GAB2: variants seen among roughly 807,000 people sequenced by gnomAD.
GAB2 encodes GRB2-associated-binding protein 2.
Under a neutral mutation model 65.5 loss-of-function variants are expected in GAB2, and 26 were observed. That is an observed-to-expected ratio of 0.40 (90% CI 0.29 to 0.55). The LOEUF (loss-of-function observed/expected upper bound fraction) is 0.55, where lower values mean the gene tolerates loss of function less well. Ranked by LOEUF, GAB2 falls within the 20% of genes least tolerant of loss-of-function variation. The pLI, the probability that GAB2 is intolerant of heterozygous loss-of-function variation, is 0.53. For synonymous variants in GAB2, 321 were observed against 329.6 expected (o/e 0.97, Z 0.28); for missense variants, 884 against 875.8 (o/e 1.01, Z -0.12).
Position 78,241,109 on chromosome 11 carries a change from C to G in GAB2, c.620+9048G>C, listed in dbSNP as rs921227315. ...AGAGAAAGACCCAAAAAGCCCTTTACGCTAAGGATATTAACAACCTATGCT... is the reference window on the plus strand; with the variant it reads ...AGAGAAAGACCCAAAAAGCCCTTTAGGCTAAGGATATTAACAACCTATGCT... On this transcript the variant is annotated intron_variant, in intron 3 of 9. Transcript: ENST00000361507. Among the ~76,000 whole-genome samples, 3 of 152,188 alleles carry G rather than the reference C, an allele frequency of 2.0e-5. No homozygotes were observed. The East Asian group carries it at 5.8e-4, about 29-fold the overall frequency.
chr11:78,218,654 T>G lies in GAB2; in HGVS notation c.*618A>C, dbSNP rs904793702. Reference sequence around the variant, plus strand: ...CCTCAAAGTGGGTTCCCTGCAGATGTCAGCTTTCCCTCTTCATCTGGGCAT... The same window carrying G: ...CCTCAAAGTGGGTTCCCTGCAGATGGCAGCTTTCCCTCTTCATCTGGGCAT... On this transcript the variant is annotated 3_prime_UTR_variant, in exon 10 of 10. Coordinates refer to ENST00000361507, the MANE Select transcript of GAB2 (RefSeq NM_080491.3). The G allele has an allele frequency of 2.0e-5, 3 of 153,074 alleles. No individual in the cohort carries two copies. The highest frequency in any genetic ancestry group is 7.2e-5 in the African/African-American group (3 of 41,460). The allele number at this position is 153,074 out of a possible 1,614,324, so 9.5% of individuals were successfully genotyped here. A position where few individuals can be genotyped will look rare whatever the true frequency, so the allele number is the denominator to read the frequency against.
At chr11:78,374,403 C>T (rs1856607982) in intron 1 of GAB2, among the ~76,000 whole-genome samples, 1 of 152,064 alleles carries the variant, frequency 6.6e-6, no homozygotes, top group Non-Finnish European at 1.5e-5. Flanking sequence ...CCTTATTGTC[C>T]ATGTCAACAA....
chr11:78,298,791 C>G (rs1866910528), intron 1 of GAB2, among the ~76,000 whole-genome samples: 1 of 152,204 alleles, frequency 6.6e-6, no homozygotes, highest in Non-Finnish European at 1.5e-5. Context: ...GAAGAGTAGA[C>G]AAATGATGCC....
At chr11:78,306,447 G>A (rs567767524) in intron 1 of GAB2, among the ~76,000 whole-genome samples, 4 of 152,276 alleles carry the variant, frequency 2.6e-5, no homozygotes, top group Admixed American at 2.6e-4. Context: ...GCCCAGGCTG[G>A]TCGTGAACTC....
At chr11:78,360,652 G>A (rs1205724902) in intron 1 of GAB2, among the ~76,000 whole-genome samples, 1 of 151,984 alleles carries the variant, frequency 6.6e-6, no homozygotes, top group Non-Finnish European at 1.5e-5. Context: ...GAGGTCAGGA[G>A]TTTGAGACCA....
At chr11:78,394,901 A>G (rs2135070301) in intron 1 of GAB2, among the ~76,000 whole-genome samples, 1 of 152,258 alleles carries the variant, frequency 6.6e-6, no homozygotes, top group South Asian at 2.1e-4. Flanking sequence ...CCACCCTCCA[A>G]AGAACTCACA....
intron 6 of GAB2, among the ~76,000 whole-genome samples, chr11:78,222,766 A>G (rs1226567993): frequency 1.3e-5 from 2 of 152,082 alleles, no homozygotes; most frequent in Non-Finnish European, 2.9e-5. Context: ...TATTTTTAGT[A>G]GAGACGGGGT....
intron 2 of GAB2, among the ~76,000 whole-genome samples, chr11:78,272,842 C>T (rs572148233): frequency 1.7e-4 from 26 of 152,328 alleles, no homozygotes; most frequent in African/African-American, 6.3e-4. Flanking sequence ...GGGCCGGGCC[C>T]AGGGTCCCTC....
intron 8 of GAB2, among the ~76,000 whole-genome samples, chr11:78,221,054 C>T (rs1864399187): frequency 6.6e-6 from 1 of 152,208 alleles, no homozygotes; most frequent in Non-Finnish European, 1.5e-5. Flanking sequence ...AGATGACACG[C>T]TCTAGGATCC....
intron 1 of GAB2, among the ~76,000 whole-genome samples, chr11:78,370,712 C>CGTGTGTGTATGTGTGT (rs1554995527): frequency 2.4e-5 from 3 of 123,220 alleles, no homozygotes; most frequent in African/African-American, 8.7e-5. Context: ...TGTGTGTGTG[C>CGTGTGTGTATGTGTGT]GTGTGTGTGT....
chr11:78,365,297 A>G (rs946228462), intron 1 of GAB2, among the ~76,000 whole-genome samples: 1 of 152,196 alleles, frequency 6.6e-6, no homozygotes, highest in Non-Finnish European at 1.5e-5. Context: ...GAAAGTTCCC[A>G]CTAGGAAAAT....
intron 1 of GAB2, among the ~76,000 whole-genome samples, chr11:78,304,595 CT>C (rs1228522550): frequency 4.6e-5 from 7 of 152,178 alleles, no homozygotes; most frequent in African/African-American, 1.7e-4. Context: ...CCTAGCAGTG[CT>C]TTTCAACCAG....
chr11:78,413,830 T>C (rs1044099585), intron 1 of GAB2, among the ~76,000 whole-genome samples: 15 of 152,168 alleles, frequency 9.9e-5, no homozygotes, highest in Admixed American at 2.6e-4. Context: ...CATGTCTGTC[T>C]GTAATCCCAG....
chr11:78,264,860 T>C (rs1194682680), intron 2 of GAB2, among the ~76,000 whole-genome samples: 2 of 152,182 alleles, frequency 1.3e-5, no homozygotes, highest in Non-Finnish European at 2.9e-5. Flanking sequence ...TTATTTAGGA[T>C]ATTTTAGTTT....
chr11:78,391,983 G>A (rs1381963754), intron 1 of GAB2, among the ~76,000 whole-genome samples: 2 of 152,228 alleles, frequency 1.3e-5, no homozygotes, highest in East Asian at 1.9e-4. Context: ...GCTCATGCCT[G>A]TAATTCCAGC....
At chr11:78,366,585 CAAAAAAAAA>C (rs33997665) in intron 1 of GAB2, among the ~76,000 whole-genome samples, 1 of 32,950 alleles carries the variant, frequency 3.0e-5, no homozygotes, top group African/African-American at 1.4e-4. Flanking sequence ...GACTCCATCT[CAAAAAAAAA>C]AAAAAAAAAA....
chr11:78,281,591 C>T (rs1487898606), intron 1 of GAB2, among the ~76,000 whole-genome samples: 3 of 152,170 alleles, frequency 2.0e-5, no homozygotes, highest in East Asian at 1.9e-4. Flanking sequence ...AGGTTAAAGA[C>T]GGGGACTGTG....
intron 1 of GAB2, among the ~76,000 whole-genome samples, chr11:78,320,937 G>C (rs1855712269): frequency 6.6e-6 from 1 of 152,134 alleles, no homozygotes; most frequent in Non-Finnish European, 1.5e-5. Context: ...AATGGAGAGA[G>C]AGAGAAGGTA....
At chr11:78,276,547 T>C (rs1463585198) in intron 2 of GAB2, among the ~76,000 whole-genome samples, 1 of 152,180 alleles carries the variant, frequency 6.6e-6, no homozygotes, top group African/African-American at 2.4e-5. Flanking sequence ...TCTGGTTGCA[T>C]GCCTGTCCCC....
Sources: gnomAD v4.1 joint callset for allele counts (sites outside exome capture counted in the v4.1 genomes callset) on GRCh38, gnomAD v4.1.1 for gene constraint, MANE v1.5 for transcripts, NCBI Gene and HGNC (gene_info 2026-07-23, HGNC 2026-07-21) for gene names.